MYO6: variants seen among roughly 807,000 people sequenced by gnomAD.
MYO6 encodes myosin VI.
MYO6 carries 74 observed loss-of-function variants against 178.7 expected under a neutral mutation model. The ratio of observed to expected loss-of-function variants is 0.41; its 90% CI spans 0.34 to 0.50. The LOEUF is 0.50. MYO6 is among the 20% of genes least tolerant of loss of function. The probability of loss-of-function intolerance (pLI) is 0.09; values close to 1 mark genes in which losing one functional copy is unlikely to be tolerated. For missense variants in MYO6, 1,330 were observed against 1,547.4 expected, an observed-to-expected ratio of 0.86 and a Z score of 2.36; for synonymous variants, 477 against 504.6, an observed-to-expected ratio of 0.95 and a Z score of 0.73.
chr6:75,786,127 A>G (rs999157830), intron 1 of MYO6, among the ~76,000 whole-genome samples: 1 of 152,000 alleles, frequency 6.6e-6, no homozygotes, highest in African/African-American at 2.4e-5. Context: ...GGGTTTCACC[A>G]TGTTGGCCAG....
At chr6:75,882,018 T>A (rs1160072196) in intron 23 of MYO6, among the ~76,000 whole-genome samples, 200 bp downstream of exon 23, 1 of 152,192 alleles carries the variant, frequency 6.6e-6, no homozygotes, top group African/African-American at 2.4e-5. Flanking sequence ...TTCAAATGTG[T>A]TATAAGAGTG....
chr6:75,796,599 C>G (rs1235914935), intron 1 of MYO6, among the ~76,000 whole-genome samples: 1 of 149,604 alleles, frequency 6.7e-6, no homozygotes, highest in East Asian at 2.0e-4. Context: ...TCTGCCCCCT[C>G]TAGTAGTCCC....
rs1018594581 is a variant in MYO6, at chr6:75,905,303, G to A, written c.3177-2302G>A. Among the ~76,000 whole-genome samples the A allele has an allele frequency of 6.6e-5, 10 of 152,190 alleles. No homozygotes were observed. The East Asian group carries it at 1.2e-3, about 18-fold the overall frequency. On this transcript the variant is annotated intron_variant, in intron 30 of 34. Transcript: ENST00000369977. ...TATCTAAGCAAGCCTGGGCAATGGC[G>A]GGCGCCCCTCCCCCAGCCTCACTGC...
intron 3 of MYO6, among the ~76,000 whole-genome samples, chr6:75,827,171 CATA>C (rs1772561643): frequency 6.6e-6 from 1 of 152,132 alleles, no homozygotes; most frequent in African/African-American, 2.4e-5. Flanking sequence ...GTAAAATTAT[CATA>C]ATAACACTGG....
chr6:75,870,613 T>A, intron 18 of MYO6, 34 bp from the exon 19 acceptor site: 1 of 1,591,786 alleles, frequency 6.3e-7, no homozygotes, highest in Non-Finnish European at 8.6e-7. Context: ...CTTTGGCTTT[T>A]TGAAATAATA....
chr6:75,819,368 T>G (rs1461244849), intron 2 of MYO6, among the ~76,000 whole-genome samples: 1 of 152,254 alleles, frequency 6.6e-6, no homozygotes, highest in Admixed American at 6.5e-5. Flanking sequence ...AGCAATCTTT[T>G]GCTTAGCTCA....
chr6:75,761,974 C>T (rs1330086669), intron 1 of MYO6, among the ~76,000 whole-genome samples: 1 of 151,734 alleles, frequency 6.6e-6, no homozygotes, highest in African/African-American at 2.4e-5. Context: ...CTCTGTCGCC[C>T]AGGCTGGAGT....
intron 1 of MYO6, among the ~76,000 whole-genome samples, chr6:75,794,274 A>G (rs1369330817): frequency 6.6e-6 from 1 of 152,180 alleles, no homozygotes; most frequent in East Asian, 1.9e-4. Flanking sequence ...GAATATCAGA[A>G]CATTCCTCAT....
chr6:75,845,669 G>A (rs1774662339), intron 10 of MYO6, among the ~76,000 whole-genome samples: 1 of 151,332 alleles, frequency 6.6e-6, no homozygotes, highest in African/African-American at 2.4e-5. Context: ...ACTCCAGCTT[G>A]GGCAACAGAA....
chr6:75,773,167 T>C (rs1196344424), intron 1 of MYO6, among the ~76,000 whole-genome samples: 6 of 152,222 alleles, frequency 3.9e-5, no homozygotes, highest in Non-Finnish European at 8.8e-5. Context: ...CATATTCTGG[T>C]AGGCAGGCTG....
chr6:75,904,247 T>C (rs1290960470), intron 30 of MYO6, among the ~76,000 whole-genome samples: 2 of 150,152 alleles, frequency 1.3e-5, no homozygotes, highest in African/African-American at 4.9e-5. Context: ...TGGCGTTCTC[T>C]GTATTTCCTG....
intron 29 of MYO6, among the ~76,000 whole-genome samples, chr6:75,897,566 C>A (rs955850302): frequency 1.3e-5 from 2 of 152,182 alleles, no homozygotes; most frequent in African/African-American, 4.8e-5. Context: ...GAAGCAAATA[C>A]ACCCATCTTC....
intron 1 of MYO6, among the ~76,000 whole-genome samples, chr6:75,753,441 A>ATGTGTGTG (rs763065617): frequency 2.1e-5 from 3 of 140,424 alleles, no homozygotes; most frequent in African/African-American, 8.0e-5. Context: ...TGATCTATAT[A>ATGTGTGTG]TGTGTGTGTG....
chr6:75,861,706 A>G (rs1027342559), intron 15 of MYO6, among the ~76,000 whole-genome samples: 1 of 152,210 alleles, frequency 6.6e-6, no homozygotes, highest in African/African-American at 2.4e-5. Flanking sequence ...AAACAGTTTG[A>G]TAATCCTGTC....
intron 3 of MYO6, among the ~76,000 whole-genome samples, chr6:75,824,189 T>C (rs1772197093): frequency 6.6e-6 from 1 of 152,250 alleles, no homozygotes; most frequent in African/African-American, 2.4e-5. Flanking sequence ...TAAATTAATA[T>C]TTTAAAACAT....
intron 1 of MYO6, among the ~76,000 whole-genome samples, chr6:75,807,860 C>T (rs932431983): frequency 3.3e-5 from 5 of 152,240 alleles, no homozygotes; most frequent in Admixed American, 2.0e-4. Flanking sequence ...CTTCTGCTGA[C>T]CTCCTCTCTC....
At chr6:75,785,135 GGA>G (rs1431098049) in intron 1 of MYO6, among the ~76,000 whole-genome samples, 2 of 152,112 alleles carry the variant, frequency 1.3e-5, no homozygotes, top group South Asian at 2.1e-4. Flanking sequence ...TCAGGAAAAG[GGA>G]GAGAGAGGGA....
At chr6:75,781,608 C>T (rs950653234) in intron 1 of MYO6, among the ~76,000 whole-genome samples, 5 of 151,986 alleles carry the variant, frequency 3.3e-5, no homozygotes, top group Non-Finnish European at 5.9e-5. Flanking sequence ...TTTGGAGAAA[C>T]TGTTTCTGTT....
intron 31 of MYO6, among the ~76,000 whole-genome samples, 197 bp from the exon 32 acceptor site, chr6:75,908,297 CTG>C (rs1780497207): frequency 6.6e-6 from 1 of 152,006 alleles, no homozygotes; most frequent in African/African-American, 2.4e-5. Flanking sequence ...GATAGTAACA[CTG>C]TGTAAAGAAA....
Sources: gnomAD v4.1 joint callset for allele counts (sites outside exome capture counted in the v4.1 genomes callset) on GRCh38, gnomAD v4.1.1 for gene constraint, MANE v1.5 for transcripts, NCBI Gene and HGNC (gene_info 2026-07-23, HGNC 2026-07-21) for gene names.